SYNE1: variants seen among roughly 807,000 people sequenced by gnomAD.
SYNE1 encodes the protein nesprin-1.
In SYNE1, 616 loss-of-function variants were observed where a neutral mutation model predicts 1,111.0. The ratio of observed to expected loss-of-function variants is 0.55; its 90% confidence interval spans 0.52 to 0.59. SYNE1 has a LOEUF of 0.59. Among genes scored for constraint, SYNE1 ranks in the 20% least tolerant of loss-of-function variants. The pLI, the probability that SYNE1 is intolerant of heterozygous loss-of-function variation, is 0.00. For synonymous variants in SYNE1, 3,855 were observed against 3,825.8 expected (o/e 1.01, Z -0.28); for missense variants, 10,006 against 10,417.0 (o/e 0.96, Z 1.72).
chr6:152,193,352 G>A (rs1385220810), intron 127 of SYNE1, among the ~76,000 whole-genome samples: 1 of 152,104 alleles, frequency 6.6e-6, no homozygotes, highest in African/African-American at 2.4e-5. Context: ...CAAGCAAAAA[G>A]AAAACTAGTA....
intron 2 of SYNE1, among the ~76,000 whole-genome samples, chr6:152,632,943 G>A (rs2099700362): frequency 6.6e-6 from 1 of 152,080 alleles, no homozygotes; most frequent in Non-Finnish European, 1.5e-5. Flanking sequence ...ACTCCCAAGT[G>A]TGCTCTTCTG....
Position 152,367,221 on chromosome 6 carries a change from G to T in SYNE1, c.9969C>A (p.Leu3323=). 1 of 1,614,180 alleles carries T rather than the reference G, an allele frequency of 6.2e-7. No individual in the cohort carries two copies. Among genetic ancestry groups the T allele is most frequent in the Non-Finnish European group, 8.5e-7 (1 of 1,180,030 alleles). Residue 3323 remains leucine (L), a synonymous_variant, in exon 62 of 146, where the codon CTC becomes CTA. Transcript: ENST00000367255. ...KSVLDSRTLK[L]EALLSVKQEK... The stretch of plus-strand genomic sequence containing the variant: ...ATTTCTGTGTAAAGATGCACACCTC[G>T]AGCTTGAGCGTCCTGCTGTCCAGCA...
intron 54 of SYNE1, among the ~76,000 whole-genome samples, chr6:152,386,323 A>G (rs1307284210): frequency 6.6e-6 from 1 of 152,198 alleles, no homozygotes; most frequent in Non-Finnish European, 1.5e-5. Context: ...GGCCAGTCAC[A>G]CATTCAAAAG....
At chr6:152,553,666 T>C (rs1226388496) in intron 3 of SYNE1, among the ~76,000 whole-genome samples, 1 of 152,314 alleles carries the variant, frequency 6.6e-6, no homozygotes, top group South Asian at 2.1e-4. Context: ...GAAATGTTTA[T>C]GGGAACTGGC....
chr6:152,329,068 G>A (rs1045563338), intron 78 of SYNE1, among the ~76,000 whole-genome samples: 1 of 152,062 alleles, frequency 6.6e-6, no homozygotes, highest in Non-Finnish European at 1.5e-5. Context: ...AATTATTCAT[G>A]GTTAATCAGT....
intron 86 of SYNE1, among the ~76,000 whole-genome samples, chr6:152,317,319 G>A (rs561031307): frequency 4.7e-5 from 7 of 149,400 alleles, no homozygotes; most frequent in Admixed American, 1.3e-4. Flanking sequence ...TCAATCTTAC[G>A]GGCTCAGCCT....
intron 127 of SYNE1, among the ~76,000 whole-genome samples, chr6:152,199,042 C>G (rs1176990926): frequency 6.7e-6 from 1 of 150,100 alleles, no homozygotes; most frequent in Non-Finnish European, 1.5e-5. Context: ...GTGAAACACA[C>G]TAAAACAAGT....
intron 39 of SYNE1, among the ~76,000 whole-genome samples, chr6:152,421,038 T>C (rs1035869581): frequency 2.6e-5 from 4 of 152,242 alleles, no homozygotes; most frequent in Non-Finnish European, 5.9e-5. Context: ...TGGAATGGCA[T>C]ATTTTCAGAT....
At chr6:152,380,937 T>A in intron 56 of SYNE1, 69 bp downstream of exon 56, 1 of 1,498,944 alleles carries the variant, frequency 6.7e-7, no homozygotes, top group Non-Finnish European at 9.3e-7. Flanking sequence ...ATTTTTTTTT[T>A]AAGGAATGAT....
intron 91 of SYNE1, 95 bp from the exon 92 acceptor site, chr6:152,302,158 G>C: frequency 1.3e-6 from 2 of 1,543,498 alleles, no homozygotes; most frequent in Non-Finnish European, 1.8e-6. Context: ...GCCAATGAGC[G>C]CGCAGAGCCG....
intron 45 of SYNE1, among the ~76,000 whole-genome samples, chr6:152,406,519 A>C (rs533979213): frequency 8.0e-4 from 122 of 152,192 alleles, no homozygotes; most frequent in African/African-American, 2.8e-3. Flanking sequence ...TAACCTGTTC[A>C]AATTAAATAG....
chr6:152,617,439 C>T (rs1325568861), intron 3 of SYNE1, among the ~76,000 whole-genome samples: 1 of 152,100 alleles, frequency 6.6e-6, no homozygotes, highest in Non-Finnish European at 1.5e-5. Context: ...TCTCATAGAC[C>T]ACAGCTCCAT....
At chr6:152,229,617 A>G (rs1334030362) in intron 115 of SYNE1, among the ~76,000 whole-genome samples, 1 of 152,194 alleles carries the variant, frequency 6.6e-6, no homozygotes, top group East Asian at 1.9e-4. Flanking sequence ...CTCTAGTGCT[A>G]ACTTCCATTT....
chr6:152,216,885 C>T lies in SYNE1; in HGVS notation c.22191+1372G>A, dbSNP rs548349564. On this transcript the variant is annotated intron_variant, in intron 121 of 145. Coordinates refer to ENST00000367255, the MANE Select transcript of SYNE1 (RefSeq NM_182961.4). ...CCTGGCCAACATAGTGAACCACCCCCCTCTCCATCTCTACTAAAAATACAA... is the reference window on the plus strand; with the variant it reads ...CCTGGCCAACATAGTGAACCACCCCTCTCTCCATCTCTACTAAAAATACAA... 1.1e-4 allele frequency among the ~76,000 whole-genome samples: 17 copies of T among 151,924 alleles called. No individual in the cohort carries two copies. The East Asian group carries it at 3.3e-3, about 30-fold the overall frequency.
chr6:152,406,339 A>T (rs2097900428), intron 45 of SYNE1, among the ~76,000 whole-genome samples: 1 of 152,184 alleles, frequency 6.6e-6, no homozygotes, highest in African/African-American at 2.4e-5. Flanking sequence ...AAGGAAAAAT[A>T]GATACTAAAC....
Position 152,413,830 on chromosome 6 carries a change from A to G in SYNE1, c.6051-299T>C, listed in dbSNP as rs186756277. Among the ~76,000 whole-genome samples, 6 of 152,226 alleles carry G rather than the reference A, an allele frequency of 3.9e-5. No homozygotes were observed. The East Asian group carries it at 1.2e-3, about 29-fold the overall frequency. On this transcript the variant is annotated intron_variant, in intron 41 of 145. Coordinates refer to ENST00000367255, the MANE Select transcript of SYNE1 (RefSeq NM_182961.4). ...TTGATGGTAGAAGATTTTCAAAACT[A>G]AGGCTGATCTCATAGGCTAACTAGG...
In SYNE1 at chr6:152,511,015, A is replaced by C; in HGVS notation, c.398T>G (p.Phe133Cys). Residue 133 changes from phenylalanine to cysteine, a missense_variant, in exon 7 of 146, where the codon TTC becomes TGC. By Grantham distance (205) the Phe-to-Cys change is radical (BLOSUM62 -2). Coordinates refer to ENST00000367255, the MANE Select transcript of SYNE1 (RefSeq NM_182961.4). ...LGLMWTIILYFQIEELTSNLP... is the reference protein window; with the variant it reads ...LGLMWTIILYCQIEELTSNLP... ...AGAGGAACTGTAGCACAATACCTGG[A>C]AATATAGAATAATGGTCCACATCAA... The C allele has an allele frequency of 6.2e-7, 1 of 1,613,836 alleles. No homozygotes were observed. Among genetic ancestry groups the C allele is most frequent in the Non-Finnish European group, 8.5e-7 (1 of 1,179,712 alleles).
At position 152,181,358 on chromosome 6, in the gene SYNE1, G is replaced by T. The variant is rs554096389; in HGVS notation, c.23302-1064C>A. Among the ~76,000 whole-genome samples, 3 of 152,248 alleles carry T rather than the reference G, an allele frequency of 2.0e-5. No homozygotes were observed. The East Asian group carries it at 5.8e-4, about 29-fold the overall frequency. ...GCCCAGGAGGCAGAGGTTGCAGTGA[G>T]CCGAGATTGTGTCACTGTGTTCCAG... On this transcript the variant is annotated intron_variant, in intron 128 of 145. Coordinates refer to ENST00000367255, the MANE Select transcript of SYNE1 (RefSeq NM_182961.4).
Position 152,293,702 on chromosome 6 carries a change from C to A in SYNE1, c.17898G>T (p.Gln5966His). The change falls in exon 95 of 146, where the codon CAG (glutamine) becomes CAT (histidine). Residue 5966 changes from glutamine to histidine, a missense_variant. This residue lies in a region of SYNE1 where 4,955 missense variants were observed against 5,017.2 expected (regional missense o/e 0.99). Transcript: ENST00000367255. ...TGGACTGGAGGGAGTCCTGGTACTTCTGCTGGCGTTCCAAAGCTTCATAGA... is the reference window on the plus strand; with the variant it reads ...TGGACTGGAGGGAGTCCTGGTACTTATGCTGGCGTTCCAAAGCTTCATAGA... ...RTLYEALERQ[Q>H]KYQDSLQSIS... The A allele has an allele frequency of 6.2e-7, 1 of 1,614,160 alleles. No individual in the cohort carries two copies. Among genetic ancestry groups the A allele is most frequent in the Non-Finnish European group, 8.5e-7 (1 of 1,180,034 alleles).
Sources: gnomAD v4.1 joint callset for allele counts (sites outside exome capture counted in the v4.1 genomes callset) on GRCh38, gnomAD v4.1.1 for gene constraint, gnomAD v4.1.1 regional missense constraint, MANE v1.5 for transcripts, NCBI Gene and HGNC (gene_info 2026-07-23, HGNC 2026-07-21) for gene names.